The following NF1 variants were observed in gnomAD, a reference collection of about 807,000 sequenced individuals.
NF1 encodes neurofibromin 1.
In NF1, 122 loss-of-function variants were observed where a neutral mutation model predicts 325.7. That is an observed-to-expected ratio of 0.37 (90% CI 0.32 to 0.44). The LOEUF (loss-of-function observed/expected upper bound fraction) is 0.44. Among genes scored for constraint, NF1 ranks in the 20% least tolerant of loss-of-function variants. The pLI is 1.00. For synonymous variants in NF1, 1,091 were observed against 1,186.0 expected (o/e 0.92, Z 1.65); for missense variants, 2,140 against 3,415.4 (o/e 0.63, Z 9.31).
At chr17:31,325,072 T>C (rs1010631427) in intron 36 of NF1, among the ~76,000 whole-genome samples, 1 of 152,206 alleles carries the variant, frequency 6.6e-6, no homozygotes, top group Non-Finnish European at 1.5e-5. Context: ...TTCTTTTGGT[T>C]TTAAGCAACA....
At chr17:31,130,795 C>T (rs1459159713) in intron 1 of NF1, among the ~76,000 whole-genome samples, 1 of 152,162 alleles carries the variant, frequency 6.6e-6, no homozygotes, top group Non-Finnish European at 1.5e-5. Context: ...CAAGGTACAC[C>T]TGTGCACACG....
chr17:31,231,704 A>G (rs577241690), intron 24 of NF1, among the ~76,000 whole-genome samples: 3 of 152,280 alleles, frequency 2.0e-5, no homozygotes, highest in Admixed American at 6.5e-5. Context: ...AAATCTGTAC[A>G]TGTTGAGTAC....
At chr17:31,324,557 T>C (rs1198992867) in intron 36 of NF1, among the ~76,000 whole-genome samples, 4 of 152,050 alleles carry the variant, frequency 2.6e-5, no homozygotes, top group Non-Finnish European at 4.4e-5. Context: ...ACAATACATA[T>C]ATTATTTATT....
At position 31,233,184 on chromosome 17, in the gene NF1, C is replaced by T. The variant is rs876660431; in HGVS notation, c.3679C>T (p.Leu1227=). ...DQGELPIAMA[L]ANVVPCSQWD... ...AGGAGAACTCCCTATAGCGATGGCT[C>T]TGGCCAATGTGGTTCCTTGTTCTCA... Residue 1227 remains leucine (L), a synonymous_variant, in exon 27 of 58, where the codon CTG becomes TTG. Transcript: ENST00000358273. 1 of 1,614,036 alleles carries T rather than the reference C, an allele frequency of 6.2e-7. No individual in the cohort carries two copies. Among genetic ancestry groups the T allele is most frequent in the Non-Finnish European group, 8.5e-7 (1 of 1,180,028 alleles).
At chr17:31,361,104 AAAAAGAAG>A (rs1473567381) in intron 57 of NF1, 2 of 158,744 alleles carry the variant, frequency 1.3e-5, no homozygotes, top group African/African-American at 5.0e-5. Flanking sequence ...AAAAAAAAAA[AAAAAGAAG>A]AAGAAGAAGA....
In NF1 at chr17:31,224,289, A is replaced by G. The variant is rs2066976124; in HGVS notation, c.1845+722A>G. 2.0e-5 allele frequency among the ~76,000 whole-genome samples: 3 copies of G among 152,144 alleles called. No homozygotes were observed. In the South Asian group the frequency reaches 6.2e-4, roughly 31 times the overall value. The stretch of plus-strand genomic sequence containing the variant: ...TTTTAACATATAGTTTCTGTAATTA[A>G]TCAATTTAGGAATTCTGTTATGGCC... On this transcript the variant is annotated intron_variant, in intron 16 of 57. Coordinates refer to ENST00000358273, the MANE Select transcript of NF1 (RefSeq NM_001042492.3).
intron 2 of NF1, among the ~76,000 whole-genome samples, chr17:31,157,131 C>A (rs1159629544): frequency 6.6e-6 from 1 of 152,132 alleles, no homozygotes; most frequent in Non-Finnish European, 1.5e-5. Flanking sequence ...GAATTACAGG[C>A]ATGTGCCACC....
rs926812218 is a variant in NF1 at position 31,357,007 on chromosome 17, G to A, written c.7786G>A (p.Val2596Ile). 3 of 1,613,936 alleles carry A rather than the reference G, an allele frequency of 1.9e-6. No individual in the cohort carries two copies. The highest frequency in any genetic ancestry group is 2.5e-6 in the Non-Finnish European group (3 of 1,179,936). ...SSQQHPHLRK[V>I]SVSESNVLLD... ...ACAACAGCACCCACATTTACGTAAA[G>A]TTTCAGTGTCTGAATCAAATGTTCT... is the stretch of plus-strand genomic sequence containing the variant. The change falls in exon 53 of 58, where the codon GTT becomes ATT. Residue 2596 changes from valine to isoleucine, a missense_variant. Transcript: ENST00000358273.
At chr17:31,270,684 A>G (rs1332025723) in intron 36 of NF1, among the ~76,000 whole-genome samples, 1 of 152,204 alleles carries the variant, frequency 6.6e-6, no homozygotes, top group Non-Finnish European at 1.5e-5. Flanking sequence ...GAATATTGTG[A>G]TACCTGGCAA....
intron 1 of NF1, among the ~76,000 whole-genome samples, chr17:31,126,857 A>C (rs779229818): frequency 1.3e-5 from 2 of 152,154 alleles, no homozygotes; most frequent in Non-Finnish European, 2.9e-5. Context: ...TCAGTCTTCT[A>C]TGATTTATGT....
intron 57 of NF1, among the ~76,000 whole-genome samples, chr17:31,363,823 C>T (rs562901592): frequency 6.6e-6 from 1 of 151,710 alleles, no homozygotes; most frequent in Non-Finnish European, 1.5e-5. Context: ...TCACTGCAAC[C>T]TCTGCCTCCT....
chr17:31,333,538 T>A (rs955584813), intron 39 of NF1, among the ~76,000 whole-genome samples: 9 of 152,196 alleles, frequency 5.9e-5, no homozygotes, highest in African/African-American at 2.2e-4. Context: ...TGCACAGATT[T>A]ATTTTGCCTA....
intron 1 of NF1, among the ~76,000 whole-genome samples, chr17:31,108,430 C>T (rs182063319): frequency 1.4e-4 from 22 of 151,984 alleles, no homozygotes; most frequent in African/African-American, 4.3e-4. Context: ...CACACCACCA[C>T]GCCTGGCTAA....
intron 8 of NF1, among the ~76,000 whole-genome samples, chr17:31,197,832 A>G (rs1490861735): frequency 2.0e-5 from 3 of 152,192 alleles, no homozygotes; most frequent in African/African-American, 7.2e-5. Flanking sequence ...AATTTCTAGT[A>G]TTATGCCAAA....
chr17:31,318,193 G>T, intron 36 of NF1: 1 of 1,375,998 alleles, frequency 7.3e-7, no homozygotes, highest in Non-Finnish European at 9.8e-7. Context: ...AAATTGCAAG[G>T]TCTACCATGT....
chr17:31,359,143 C>CT, intron 56 of NF1, 128 bp downstream of exon 56: 2 of 803,014 alleles, frequency 2.5e-6, no homozygotes, highest in Non-Finnish European at 4.1e-6. Flanking sequence ...ACATATGTTA[C>CT]TTTTATAAAA....
intron 5 of NF1, 124 bp downstream of exon 5, chr17:31,170,121 C>T (rs2065906894): frequency 1.5e-6 from 1 of 677,592 alleles, no homozygotes; most frequent in Non-Finnish European, 2.6e-6. Flanking sequence ...ATGACATTTC[C>T]TTGTGAAATA....
chr17:31,376,549 A>G lies in NF1; in HGVS notation c.*2394A>G. On this transcript the variant is annotated 3_prime_UTR_variant, in exon 58 of 58. Coordinates refer to ENST00000358273, the MANE Select transcript of NF1 (RefSeq NM_001042492.3). Reference sequence around the variant, plus strand: ...CTTTTGAGGAAAATCTAGCTTTCCAAGTAACTAAAATGTACATGAGATAAA... The same window carrying G: ...CTTTTGAGGAAAATCTAGCTTTCCAGGTAACTAAAATGTACATGAGATAAA... 4.3e-6 allele frequency: 1 copy of G among 232,954 alleles called. No individual in the cohort carries two copies. Among genetic ancestry groups the G allele is most frequent in the Non-Finnish European group, 8.5e-6 (1 of 117,840 alleles). 14.4% of individuals were successfully genotyped at this position (232,954 alleles called of 1,614,324 possible).
At chr17:31,353,920 A>G (rs1206505871) in intron 51 of NF1, among the ~76,000 whole-genome samples, 1 of 152,240 alleles carries the variant, frequency 6.6e-6, no homozygotes, top group East Asian at 1.9e-4. Context: ...TGTGTCAATC[A>G]CAGTTACTAG....
Sources: allele counts gnomAD v4.1 joint callset (sites outside exome capture counted in the v4.1 genomes callset), GRCh38; gene constraint gnomAD v4.1.1; transcripts MANE v1.5; gene names NCBI Gene and HGNC (gene_info 2026-07-23, HGNC 2026-07-21).